Variants in EHBP1 observed in about 807,000 individuals in gnomAD.
EHBP1 encodes the protein EH domain binding protein 1.
In EHBP1, 55 loss-of-function variants were observed where a neutral mutation model predicts 144.0. The ratio of observed to expected loss-of-function variants is 0.38; its 90% CI spans 0.31 to 0.48. The LOEUF (loss-of-function observed/expected upper bound fraction) is 0.48. EHBP1 is among the 20% of genes least tolerant of loss of function. The pLI is 0.98. For synonymous variants in EHBP1, 469 were observed against 472.7 expected (o/e 0.99, Z 0.10); for missense variants, 1,200 against 1,364.2 (o/e 0.88, Z 1.90).
intron 3 of EHBP1, among the ~76,000 whole-genome samples, chr2:62,753,903 C>T (rs890048915): frequency 6.6e-6 from 1 of 152,046 alleles, no homozygotes; most frequent in African/African-American, 2.4e-5. Flanking sequence ...TCTAATCTTT[C>T]TTCAAAGTTT....
intron 5 of EHBP1, among the ~76,000 whole-genome samples, chr2:62,793,091 A>T (rs544103144): frequency 7.2e-5 from 11 of 152,100 alleles, no homozygotes; most frequent in Non-Finnish European, 1.3e-4. Context: ...TACATGTTGT[A>T]TAATTTTTTT....
At chr2:62,859,971 C>T (rs538662129) in intron 8 of EHBP1, among the ~76,000 whole-genome samples, 2 of 152,204 alleles carry the variant, frequency 1.3e-5, no homozygotes, top group Admixed American at 1.3e-4. Context: ...GAGAAATCTT[C>T]ATGAATTTTA....
chr2:62,775,091 A>G (rs570667314), intron 5 of EHBP1, among the ~76,000 whole-genome samples: 10 of 152,324 alleles, frequency 6.6e-5, no homozygotes, highest in Non-Finnish European at 1.2e-4. Flanking sequence ...ATAATGAGCC[A>G]CCTTATTATT....
chr2:62,965,881 G>A (rs2058222291), intron 14 of EHBP1, among the ~76,000 whole-genome samples: 1 of 151,814 alleles, frequency 6.6e-6, no homozygotes. Context: ...TCTCCTTCCT[G>A]GCTCTCTTTC....
intron 1 of EHBP1, among the ~76,000 whole-genome samples, chr2:62,677,316 C>T (rs2033335493): frequency 6.6e-6 from 1 of 151,490 alleles, no homozygotes; most frequent in Non-Finnish European, 1.5e-5. Context: ...ATTGCCATTT[C>T]CCCCCCAAGC....
chr2:62,724,313 A>G (rs2036535104), intron 2 of EHBP1, among the ~76,000 whole-genome samples: 1 of 152,160 alleles, frequency 6.6e-6, no homozygotes, highest in African/African-American at 2.4e-5. Flanking sequence ...TGTGTAACCA[A>G]TTCTGTCAGA....
At chr2:62,735,030 A>G (rs907156287) in intron 2 of EHBP1, among the ~76,000 whole-genome samples, 6 of 152,114 alleles carry the variant, frequency 3.9e-5, no homozygotes, top group African/African-American at 1.4e-4. Flanking sequence ...CCTCTCAAGT[A>G]GCTGGAACCA....
chr2:62,731,522 A>AC (rs1442255088), intron 2 of EHBP1, among the ~76,000 whole-genome samples: 1 of 152,140 alleles, frequency 6.6e-6, no homozygotes, highest in Non-Finnish European at 1.5e-5. Context: ...GTTAAGTATA[A>AC]CGTTATCCTT....
chr2:62,704,048 A>G (rs2034361245), upstream of EHBP1, among the ~76,000 whole-genome samples: 2 of 152,246 alleles, frequency 1.3e-5, no homozygotes, highest in African/African-American at 4.8e-5. Flanking sequence ...ACACACTTAA[A>G]GCCTACTAAA....
At chr2:62,881,718 G>A (rs1349276197) in intron 10 of EHBP1, 4 of 152,132 alleles carry the variant, frequency 2.6e-5, no homozygotes, top group African/African-American at 9.7e-5. Flanking sequence ...TGACTACATG[G>A]AAAGGTAAAA....
At chr2:62,935,933 C>G (rs2056355849) in intron 10 of EHBP1, among the ~76,000 whole-genome samples, 1 of 152,164 alleles carries the variant, frequency 6.6e-6, no homozygotes, top group Non-Finnish European at 1.5e-5. Context: ...GTTAATTGGT[C>G]AAGTTACCTC....
chr2:62,915,664 A>T (rs1469609298), intron 10 of EHBP1, among the ~76,000 whole-genome samples: 1 of 152,098 alleles, frequency 6.6e-6, no homozygotes, highest in Non-Finnish European at 1.5e-5. Context: ...AGGGGATGGT[A>T]TCAAAATGAT....
intron 6 of EHBP1, among the ~76,000 whole-genome samples, chr2:62,830,161 C>T (rs1459779311): frequency 3.2e-4 from 21 of 64,980 alleles, no homozygotes; most frequent in Non-Finnish European, 6.0e-4. Flanking sequence ...TAGACACACA[C>T]ACACACACAC....
chr2:62,695,277 C>T (rs919930823), intron 1 of EHBP1, among the ~76,000 whole-genome samples: 1 of 152,130 alleles, frequency 6.6e-6, no homozygotes, highest in Admixed American at 6.5e-5. Context: ...GGGAGAATCA[C>T]TTGAGACCAG....
intron 5 of EHBP1, among the ~76,000 whole-genome samples, chr2:62,818,921 TAGATG>T (rs2045657464): frequency 6.6e-6 from 1 of 152,188 alleles, no homozygotes; most frequent in Admixed American, 6.5e-5. Flanking sequence ...TTTGAAATCT[TAGATG>T]AGATGGATAA....
intron 10 of EHBP1, among the ~76,000 whole-genome samples, chr2:62,886,072 A>C (rs1479744217): frequency 1.3e-5 from 2 of 152,180 alleles, no homozygotes; most frequent in African/African-American, 4.8e-5. Flanking sequence ...AGTCTTACTT[A>C]TTGCTCCTAG....
chr2:62,748,386 C>T lies in EHBP1; in HGVS notation c.162+934C>T, dbSNP rs184417474. On this transcript the variant is annotated intron_variant, in intron 3 of 22. Coordinates refer to ENST00000431489, the MANE Select transcript of EHBP1 (RefSeq NM_001142616.3). ...AAATTCTATCCTGGCCAGATTCTAT[C>T]CTTACGCCTGTAATCCTGGCACTTT... Among the ~76,000 whole-genome samples, 7 of 152,156 alleles carry T rather than the reference C, an allele frequency of 4.6e-5. No individual in the cohort carries two copies. In the East Asian group the frequency reaches 1.2e-3, roughly 25 times the overall value.
At chr2:62,843,636 G>A (rs2048082641) in intron 7 of EHBP1, among the ~76,000 whole-genome samples, 1 of 152,036 alleles carries the variant, frequency 6.6e-6, no homozygotes, top group African/African-American at 2.4e-5. Context: ...GGCTTTCTTA[G>A]TTGTATTTTT....
chr2:62,861,472 G>A lies in EHBP1; in HGVS notation c.757+2181G>A, dbSNP rs376524660. ...AAGCTACTAAATGTCGGCCGGGCGCGGTGGTTCACGCCTGTAATCCTAGAA... is the reference window on the plus strand; with the variant it reads ...AAGCTACTAAATGTCGGCCGGGCGCAGTGGTTCACGCCTGTAATCCTAGAA... On this transcript the variant is annotated intron_variant, in intron 8 of 22. Coordinates refer to ENST00000431489, the MANE Select transcript of EHBP1 (RefSeq NM_001142616.3). Among the ~76,000 whole-genome samples, 77 of 150,784 alleles carry A rather than the reference G, an allele frequency of 5.1e-4. 1 individual carries two copies. The highest frequency in any genetic ancestry group is 1.6e-3 in the African/African-American group (64 of 41,256).
Sources: allele counts gnomAD v4.1 joint callset (sites outside exome capture counted in the v4.1 genomes callset), GRCh38; gene constraint gnomAD v4.1.1; transcripts MANE v1.5; gene names NCBI Gene and HGNC (gene_info 2026-07-23, HGNC 2026-07-21).